ACACB: variants seen among roughly 807,000 people sequenced by gnomAD.
The protein encoded by ACACB is acetyl-CoA carboxylase beta.
Under a neutral mutation model 278.8 loss-of-function variants are expected in ACACB, and 209 were observed. The ratio of observed to expected loss-of-function variants is 0.75; its 90% CI spans 0.67 to 0.84. The LOEUF is 0.84. Among genes scored for constraint, ACACB ranks in the 40% least tolerant of loss-of-function variants. The probability of loss-of-function intolerance (pLI) is 0.00; values close to 1 mark genes in which losing one functional copy is unlikely to be tolerated. For missense variants in ACACB, 2,850 were observed against 3,269.0 expected, an observed-to-expected ratio of 0.87 and a Z score of 3.13; for synonymous variants, 1,174 against 1,285.6, an observed-to-expected ratio of 0.91 and a Z score of 1.86.
At chr12:109,182,783 G>A (rs1565896167) in intron 11 of ACACB, among the ~76,000 whole-genome samples, 2 of 152,144 alleles carry the variant, frequency 1.3e-5, no homozygotes, top group African/African-American at 4.8e-5. Flanking sequence ...CCTTTGCTGT[G>A]CAGAAGTTTC....
chr12:109,252,694 C>CTGCAGACCTGCTGAATCAGA (rs1478949390), intron 42 of ACACB: 3 of 208,640 alleles, frequency 1.4e-5, no homozygotes, highest in Non-Finnish European at 2.8e-5. Context: ...TCAAGCCCTG[C>CTGCAGACCTGCTGAATCAGA]TGCAGACCTG....
At chr12:109,171,993 A>G in intron 5 of ACACB, 79 bp downstream of exon 5, 1 of 1,222,670 alleles carries the variant, frequency 8.2e-7, no homozygotes, top group Non-Finnish European at 1.2e-6. Context: ...TCCACAGTTC[A>G]CAAGGGGTGG....
chr12:109,124,848 G>A (rs2042638710), intron 1 of ACACB, among the ~76,000 whole-genome samples: 1 of 152,124 alleles, frequency 6.6e-6, no homozygotes, highest in South Asian at 2.1e-4. Context: ...TTGAGTAGCT[G>A]GGACCACAGG....
At chr12:109,232,518 CA>C in intron 28 of ACACB, 150 bp from the exon 29 acceptor site, 1 of 957,290 alleles carries the variant, frequency 1.0e-6, no homozygotes, top group Non-Finnish European at 1.5e-6. Context: ...GCCCCGGCCC[CA>C]GCCATTGTCT....
At chr12:109,196,949 A>G (rs973881887) in intron 16 of ACACB, 59 bp from the exon 17 acceptor site, 7 of 1,479,872 alleles carry the variant, frequency 4.7e-6, no homozygotes, top group Non-Finnish European at 6.2e-6. Flanking sequence ...AGCGGGGCCC[A>G]GCAGTGCTCT....
intron 20 of ACACB, among the ~76,000 whole-genome samples, chr12:109,207,545 C>G (rs2045558321): frequency 6.6e-6 from 1 of 152,178 alleles, no homozygotes; most frequent in Non-Finnish European, 1.5e-5. Context: ...TGCAGACCTC[C>G]TTGAAAGACC....
At chr12:109,164,876 C>G (rs992161371) in intron 2 of ACACB, among the ~76,000 whole-genome samples, 2 of 151,840 alleles carry the variant, frequency 1.3e-5, no homozygotes, top group African/African-American at 2.4e-5. Context: ...AGCCACCACG[C>G]CTGGCCCTGA....
intron 24 of ACACB, among the ~76,000 whole-genome samples, chr12:109,221,894 T>TTGGG (rs372053398): frequency 0.012 from 1,565 of 128,116 alleles, 76 homozygotes; most frequent in African/African-American, 0.047. Flanking sequence ...TTTTTTTTTT[T>TTGGG]GGGGGGGAGA....
intron 2 of ACACB, 106 bp downstream of exon 2, chr12:109,140,164 G>T: frequency 8.0e-7 from 1 of 1,244,096 alleles, no homozygotes; most frequent in Non-Finnish European, 1.1e-6. Context: ...TGATGCCAAA[G>T]CTTCAAGGGT....
chr12:109,240,075 C>CCTG lies in ACACB; in HGVS notation c.4818+91_4818+93dup, dbSNP rs2046751026. On this transcript the variant is annotated intron_variant, in intron 35 of 52. Coordinates refer to ENST00000338432, the MANE Select transcript of ACACB (RefSeq NM_001093.4). Reference sequence around the variant, plus strand: ...GGGTATTGTCTCTTGCCACTCAAGACCTGGGTTCCAGGATGAAACCATGCG... The same window carrying CCTG: ...GGGTATTGTCTCTTGCCACTCAAGACCTGCTGGGTTCCAGGATGAAACCATGCG... The CCTG allele has an allele frequency of 8.9e-6, 13 of 1,466,514 alleles. No homozygotes were observed. The South Asian group carries it at 1.7e-4, about 19-fold the overall frequency. 90.8% of individuals were successfully genotyped at this position (1,466,514 alleles called of 1,614,324 possible).
intron 1 of ACACB, among the ~76,000 whole-genome samples, chr12:109,137,477 T>A (rs1412463690): frequency 1.3e-5 from 2 of 152,016 alleles, no homozygotes; most frequent in Non-Finnish European, 2.9e-5. Context: ...CTAGCCAACA[T>A]GGTGAAACCC....
chr12:109,123,160 G>A (rs1252435121), intron 1 of ACACB, among the ~76,000 whole-genome samples: 6 of 146,702 alleles, frequency 4.1e-5, no homozygotes, highest in South Asian at 2.1e-4. Context: ...CAGCCTGGGC[G>A]ACAGAGCGAG....
chr12:109,131,655 TTTCTCGTG>T (rs1185235959), intron 1 of ACACB, among the ~76,000 whole-genome samples: 1 of 152,184 alleles, frequency 6.6e-6, no homozygotes, highest in Non-Finnish European at 1.5e-5. Context: ...GACTGAGCAG[TTTCTCGTG>T]TTCATTGTGG....
chr12:109,172,019 C>A, intron 5 of ACACB, 105 bp downstream of exon 5: 3 of 950,796 alleles, frequency 3.2e-6, no homozygotes, highest in South Asian at 1.5e-5. Context: ...CCAGATCCCA[C>A]AAGGCTCCAA....
At chr12:109,175,324 A>G (rs1369224371) in intron 7 of ACACB, among the ~76,000 whole-genome samples, 2 of 152,176 alleles carry the variant, frequency 1.3e-5, no homozygotes, top group Non-Finnish European at 2.9e-5. Context: ...TTATTCACAT[A>G]TAAATGACTC....
chr12:109,158,898 C>T (rs1434412154), intron 2 of ACACB, among the ~76,000 whole-genome samples: 1 of 152,216 alleles, frequency 6.6e-6, no homozygotes, highest in Non-Finnish European at 1.5e-5. Context: ...TCACTTGAAC[C>T]TGAGAGGTGG....
chr12:109,246,309 T>C lies in ACACB; in HGVS notation c.5432T>C (p.Leu1811Pro). Residue 1811 changes from leucine (L) to proline (P), a missense_variant, in exon 39 of 53, where the codon CTG becomes CCG. Leu to Pro is a moderately conservative substitution (Grantham distance 98). Transcript: ENST00000338432. ...SFGPGEDLLYLRASEMARAEG... is the reference protein window; with the variant it reads ...SFGPGEDLLYPRASEMARAEG... ...GGCCCTGGAGAGGACCTTCTGTACC[T>C]GCGGGCATCCGAGATGGCCCGGGCA... is the stretch of plus-strand genomic sequence containing the variant. 2 of 1,611,928 alleles carry C rather than the reference T, an allele frequency of 1.2e-6. No individual in the cohort carries two copies. The highest frequency in any genetic ancestry group is 1.7e-6 in the Non-Finnish European group (2 of 1,179,564).
chr12:109,150,014 G>T (rs1317869291), intron 2 of ACACB, among the ~76,000 whole-genome samples: 3 of 152,212 alleles, frequency 2.0e-5, no homozygotes, highest in Non-Finnish European at 2.9e-5. Flanking sequence ...CCTCTGAAAT[G>T]AAGTCATCGT....
chr12:109,212,694 T>C (rs2045884096), intron 21 of ACACB, 142 bp from the exon 22 acceptor site: 1 of 670,938 alleles, frequency 1.5e-6, no homozygotes, highest in South Asian at 1.8e-5. Context: ...CACCCACTGC[T>C]TACCTCCCAC....
Sources: gnomAD v4.1 joint callset for allele counts (sites outside exome capture counted in the v4.1 genomes callset) on GRCh38, gnomAD v4.1.1 for gene constraint, MANE v1.5 for transcripts, NCBI Gene and HGNC (gene_info 2026-07-23, HGNC 2026-07-21) for gene names.